Variants in PITRM1 observed in about 807,000 individuals in gnomAD.
The protein encoded by PITRM1 is pitrilysin metallopeptidase 1, also known as presequence protease, mitochondrial.
PITRM1 carries 100 observed loss-of-function variants against 129.9 expected under a neutral mutation model. The ratio of observed to expected loss-of-function variants is 0.77; its 90% CI spans 0.65 to 0.91. The LOEUF (loss-of-function observed/expected upper bound fraction) is 0.91. Ranked by LOEUF, PITRM1 falls within the 40% of genes least tolerant of loss-of-function variation. The pLI is 0.00. For missense variants in PITRM1, 1,471 were observed against 1,318.3 expected, an observed-to-expected ratio of 1.12 and a Z score of -1.79; for synonymous variants, 591 against 508.8, an observed-to-expected ratio of 1.16 and a Z score of -2.17.
In PITRM1 at chr10:3,151,309, G is replaced by A. The variant is rs762984087; in HGVS notation, c.1676C>T (p.Ala559Val). Residue 559 changes from alanine to valine, a missense_variant, in exon 15 of 27, where the codon GCG (alanine) becomes GTG (valine). Ala to Val is a moderately conservative substitution (Grantham distance 64, BLOSUM62 0). Coordinates refer to ENST00000224949, the MANE Select transcript of PITRM1 (RefSeq NM_014889.4). ...GGGTTCAATATCGGAAACTTTCAACGCTGGCAGACAAGAGGCATCTTGAGG... is the reference window on the plus strand; with the variant it reads ...GGGTTCAATATCGGAAACTTTCAACACTGGCAGACAAGAGGCATCTTGAGG... ...SKPQDASCLP[A>V]LKVSDIEPTI... is the part of the protein sequence containing the mutation. 2.9e-5 allele frequency: 47 copies of A among 1,611,060 alleles called. No homozygotes were observed. The highest frequency in any genetic ancestry group is 1.3e-4 in the East Asian group (6 of 44,860).
At position 3,138,917 on chromosome 10, in the gene PITRM1, A is replaced by T; in HGVS notation, c.2904T>A (p.Ala968=). 6.2e-7 allele frequency: 1 copy of T among 1,613,940 alleles called. No homozygotes were observed. Among genetic ancestry groups the T allele is most frequent in the Non-Finnish European group, 8.5e-7 (1 of 1,179,818 alleles). Residue 968 remains alanine (A), a synonymous_variant, in exon 25 of 27, where the codon GCT becomes GCA. Transcript: ENST00000224949. The part of the protein sequence containing the change: ...SVFSTVDAPV[A]PSDKGMDHFL... ...TACTCAAAATACCTTTGTCTGAAGG[A>T]GCGACAGGAGCATCTACGGTTGAGA...
chr10:3,143,367 G>T, intron 23 of PITRM1, 22 bp downstream of exon 23: 1 of 1,463,682 alleles, frequency 6.8e-7, no homozygotes, highest in Non-Finnish European at 9.6e-7. Context: ...GGCCTGAGAG[G>T]TCCCGACCTA....
At chr10:3,165,954 CTG>C (rs1842823948) in intron 4 of PITRM1, among the ~76,000 whole-genome samples, 1 of 152,208 alleles carries the variant, frequency 6.6e-6, no homozygotes, top group African/African-American at 2.4e-5. Context: ...AGTAGTAACT[CTG>C]GCATTGTAGC....
chr10:3,170,020 G>A (rs894873033), intron 2 of PITRM1, 84 bp downstream of exon 2: 41 of 996,500 alleles, frequency 4.1e-5, no homozygotes, highest in Middle Eastern at 5.2e-4. Flanking sequence ...GCTAGTCTCC[G>A]CCCTGAAGGG....
At chr10:3,138,594 A>C in intron 25 of PITRM1, 1 of 601,848 alleles carries the variant, frequency 1.7e-6, no homozygotes, top group Non-Finnish European at 3.0e-6. Context: ...CTGTGAGCAA[A>C]AGCGGCTCCA....
At chr10:3,158,204 T>A in intron 10 of PITRM1, 51 bp from the exon 11 acceptor site, 1 of 1,008,328 alleles carries the variant, frequency 9.9e-7, no homozygotes, top group Non-Finnish European at 1.5e-6. Context: ...ACGTTCATCA[T>A]GCCCTCGTAA....
chr10:3,166,392 G>GAGGAATGGCACGCTAGGGAAGGCA lies in PITRM1; in HGVS notation c.267-13_267-12insTGCCTTCCCTAGCGTGCCATTCCT, dbSNP rs755477253. 3.2e-4 allele frequency: 61 copies of GAGGAATGGCACGCTAGGGAAGGCA among 191,528 alleles called. 1 individual carries two copies. The highest frequency in any genetic ancestry group is 5.5e-4 in the African/African-American group (7 of 12,710). 11.9% of individuals were successfully genotyped at this position (191,528 alleles called of 1,614,324 possible). The stretch of plus-strand genomic sequence containing the variant: ...TACGGAACTGCACGCTAGGGAAGGA[G>GAGGAATGGCACGCTAGGGAAGGCA]AATGACCAGAACGCAAAAGGTTCAG... On this transcript the variant is annotated splice_polypyrimidine_tract_variant and intron_variant, in intron 3 of 26. Transcript: ENST00000224949.
intron 7 of PITRM1, among the ~76,000 whole-genome samples, chr10:3,162,565 G>T (rs1257772232): frequency 6.6e-6 from 1 of 152,162 alleles, no homozygotes; most frequent in East Asian, 1.9e-4. Flanking sequence ...GGACCCCGCT[G>T]GTGTGAGATC....
At chr10:3,156,107 A>G (rs1248750063) in intron 13 of PITRM1, among the ~76,000 whole-genome samples, 4 of 152,222 alleles carry the variant, frequency 2.6e-5, no homozygotes, top group Non-Finnish European at 5.9e-5. Flanking sequence ...GATAATATAG[A>G]ATTCTATTTT....
At position 3,144,325 on chromosome 10, in the gene PITRM1, G is replaced by C. The variant is rs1271022799; in HGVS notation, c.2499C>G (p.Pro833=). ...PSSSGGDAHV[P]HGSQVIRKLV... ...GCTTCCTAATGACCTGGGAGCCATGGGGAACGTGGGCATCTCCACCAGAGC... is the reference window on the plus strand; with the variant it reads ...GCTTCCTAATGACCTGGGAGCCATGCGGAACGTGGGCATCTCCACCAGAGC... The change falls in exon 22 of 27, where the codon CCC becomes CCG. Residue 833 remains proline (P), a synonymous_variant. Transcript: ENST00000224949. 2 of 1,562,914 alleles carry C rather than the reference G, an allele frequency of 1.3e-6. No homozygotes were observed. Among genetic ancestry groups the C allele is most frequent in the South Asian group, 1.2e-5 (1 of 84,796 alleles).
intron 2 of PITRM1, among the ~76,000 whole-genome samples, chr10:3,169,829 G>A (rs966569586): frequency 2.0e-5 from 3 of 152,184 alleles, no homozygotes; most frequent in East Asian, 3.9e-4. Flanking sequence ...CTGCAGAAAC[G>A]CTAGTGTGTC....
At chr10:3,166,832 G>A (rs149823912) in intron 3 of PITRM1, 104 bp downstream of exon 3, 119 of 655,356 alleles carry the variant, frequency 1.8e-4, no homozygotes, top group South Asian at 1.5e-3. Context: ...CGTGGCCTAA[G>A]ACAGTTGTTC....
intron 24 of PITRM1, among the ~76,000 whole-genome samples, chr10:3,139,536 C>T (rs940195734): frequency 1.3e-5 from 2 of 152,354 alleles, no homozygotes; most frequent in African/African-American, 4.8e-5. Flanking sequence ...CCCTGAGCTG[C>T]AGAGGGGCGG....
rs768082187 is a variant in PITRM1 at position 3,138,213 on chromosome 10, G to A, written c.3020+22C>T. The A allele has an allele frequency of 2.5e-6, 4 of 1,599,328 alleles. No homozygotes were observed. In the South Asian group the frequency reaches 3.3e-5, roughly 13 times the overall value. On this transcript the variant is annotated intron_variant, in intron 26 of 26. Coordinates refer to ENST00000224949, the MANE Select transcript of PITRM1 (RefSeq NM_014889.4). ...ACGAGGGCTTCCAGTCCCAGACGCT[G>A]TCTCCCCCGCTCCCCACTCACCTAT...
At chr10:3,142,347 C>A (rs1033989997) in intron 23 of PITRM1, among the ~76,000 whole-genome samples, 1 of 152,236 alleles carries the variant, frequency 6.6e-6, no homozygotes, top group African/African-American at 2.4e-5. Flanking sequence ...CTCGGAGGCC[C>A]GGCTCCTTCT....
chr10:3,157,056 A>C lies in PITRM1; in HGVS notation c.1356T>G (p.Ala452=). 6.2e-7 allele frequency: 1 copy of C among 1,607,416 alleles called. No homozygotes were observed. Among genetic ancestry groups the C allele is most frequent in the Non-Finnish European group, 8.5e-7 (1 of 1,178,274 alleles). The change falls in exon 13 of 27, where the codon GCT becomes GCG. Residue 452 remains alanine, a synonymous_variant. Coordinates refer to ENST00000224949, the MANE Select transcript of PITRM1 (RefSeq NM_014889.4). The stretch of plus-strand genomic sequence containing the variant: ...GGTCCCCATCATGGTTCCAGCAAGA[A>C]GCTATGTACTGGAAGGAAGATTTCC... ...SFGLMLTSYI[A]SCWNHDGDPV...
chr10:3,157,365 C>T, intron 12 of PITRM1, 70 bp downstream of exon 12: 1 of 883,912 alleles, frequency 1.1e-6, no homozygotes, highest in Non-Finnish European at 1.7e-6. Flanking sequence ...TATCAAAAAG[C>T]CAGTTAAGCT....
chr10:3,143,791 C>T (rs1405988988), intron 22 of PITRM1: 2 of 644,022 alleles, frequency 3.1e-6, no homozygotes, highest in Non-Finnish European at 5.9e-6. Context: ...CAATTAAAAA[C>T]ATTTCATTCT....
chr10:3,150,648 T>C (rs1345428653), intron 15 of PITRM1, among the ~76,000 whole-genome samples: 1 of 152,094 alleles, frequency 6.6e-6, no homozygotes, highest in East Asian at 1.9e-4. Context: ...CTCCTGCTAC[T>C]AGCCAGGAGC....
Sources: allele counts gnomAD v4.1 joint callset (sites outside exome capture counted in the v4.1 genomes callset), GRCh38; gene constraint gnomAD v4.1.1; transcripts MANE v1.5; gene names NCBI Gene and HGNC (gene_info 2026-07-23, HGNC 2026-07-21).